Variants in MTUS2 observed in about 807,000 individuals in gnomAD.
The protein encoded by MTUS2 is microtubule-associated tumor suppressor candidate 2.
In MTUS2, 40 loss-of-function variants were observed where a neutral mutation model predicts 114.1. The observed-to-expected ratio is 0.35, with a 90% CI of 0.27 to 0.46. The LOEUF (loss-of-function observed/expected upper bound fraction) is 0.46, where lower values mean the gene tolerates loss of function less well. Among genes scored for constraint, MTUS2 ranks in the 20% least tolerant of loss-of-function variants. MTUS2 has a pLI of 1.00. For missense variants in MTUS2, 1,679 were observed against 1,705.4 expected (o/e 0.98, Z 0.27); for synonymous variants, 688 against 672.0 (o/e 1.02, Z -0.37).
At chr13:29,317,046 T>G (rs1900020123) in intron 6 of MTUS2, among the ~76,000 whole-genome samples, 1 of 152,226 alleles carries the variant, frequency 6.6e-6, no homozygotes, top group South Asian at 2.1e-4. Context: ...TTGTTCACTC[T>G]TCTGTCCTTA....
chr13:29,427,478 G>A (rs528219918), intron 8 of MTUS2, among the ~76,000 whole-genome samples: 6 of 152,280 alleles, frequency 3.9e-5, no homozygotes, highest in Admixed American at 3.9e-4. Flanking sequence ...GCATAGACGT[G>A]CAAATGTTGG....
At chr13:29,123,733 TAC>T (rs1017897601) in intron 5 of MTUS2, among the ~76,000 whole-genome samples, 2 of 151,800 alleles carry the variant, frequency 1.3e-5, no homozygotes, top group Admixed American at 6.6e-5. Flanking sequence ...CACACACGCA[TAC>T]ACACACACAC....
intron 8 of MTUS2, among the ~76,000 whole-genome samples, chr13:29,439,583 G>A (rs1877675218): frequency 6.6e-6 from 1 of 152,090 alleles, no homozygotes; most frequent in African/African-American, 2.4e-5. Flanking sequence ...CAAGCATTTG[G>A]CCCTCAGAGA....
chr13:29,274,978 C>T (rs2139516023), intron 5 of MTUS2, among the ~76,000 whole-genome samples: 1 of 152,248 alleles, frequency 6.6e-6, no homozygotes, highest in African/African-American at 2.4e-5. Flanking sequence ...AAGCAATTCT[C>T]CTGCCTTGGC....
intron 5 of MTUS2, among the ~76,000 whole-genome samples, chr13:29,187,793 C>T (rs1894285688): frequency 6.6e-6 from 1 of 152,156 alleles, no homozygotes; most frequent in African/African-American, 2.4e-5. Context: ...GAACACACAC[C>T]CAGTACAGAG....
intron 8 of MTUS2, among the ~76,000 whole-genome samples, chr13:29,410,942 G>C (rs989582686): frequency 2.0e-5 from 3 of 151,970 alleles, no homozygotes; most frequent in Non-Finnish European, 4.4e-5. Context: ...AGCAATTCTT[G>C]TGCCTCAGCC....
chr13:29,173,925 C>T (rs944995663), intron 5 of MTUS2, among the ~76,000 whole-genome samples: 4 of 152,056 alleles, frequency 2.6e-5, no homozygotes, highest in Non-Finnish European at 4.4e-5. Context: ...TAAAATCTCT[C>T]CTCCCTATAT....
At chr13:29,073,683 T>G (rs1392780046) in intron 4 of MTUS2, among the ~76,000 whole-genome samples, 1 of 152,212 alleles carries the variant, frequency 6.6e-6, no homozygotes, top group Non-Finnish European at 1.5e-5. Flanking sequence ...TTCTTCATTA[T>G]TCACCTTTCT....
chr13:29,302,008 A>C (rs1435011548), intron 6 of MTUS2, among the ~76,000 whole-genome samples: 3 of 152,164 alleles, frequency 2.0e-5, no homozygotes, highest in Non-Finnish European at 4.4e-5. Flanking sequence ...TCATGATTTA[A>C]TCACCTCCCA....
At chr13:29,265,241 G>A (rs1268099128) in intron 5 of MTUS2, among the ~76,000 whole-genome samples, 3 of 152,312 alleles carry the variant, frequency 2.0e-5, no homozygotes, top group African/African-American at 7.2e-5. Flanking sequence ...TTACAAAGTT[G>A]TAACATGGAT....
chr13:29,194,398 G>C (rs1894582883), intron 5 of MTUS2, among the ~76,000 whole-genome samples: 1 of 149,854 alleles, frequency 6.7e-6, no homozygotes, highest in African/African-American at 2.4e-5. Flanking sequence ...AAATTTACAA[G>C]AAAAAAACAA....
chr13:29,116,643 T>C (rs1202316375), intron 5 of MTUS2, among the ~76,000 whole-genome samples: 2 of 152,192 alleles, frequency 1.3e-5, no homozygotes, highest in Non-Finnish European at 2.9e-5. Flanking sequence ...GTCACTCTTC[T>C]TGCACTTTGG....
intron 5 of MTUS2, among the ~76,000 whole-genome samples, chr13:29,276,487 G>A (rs1432096084): frequency 2.0e-5 from 3 of 152,172 alleles, no homozygotes; most frequent in Non-Finnish European, 4.4e-5. Context: ...TGTGAGCAGT[G>A]GAATACCTTC....
intron 7 of MTUS2, among the ~76,000 whole-genome samples, chr13:29,330,010 G>T (rs1230012000): frequency 6.6e-6 from 1 of 152,186 alleles, no homozygotes; most frequent in Non-Finnish European, 1.5e-5. Flanking sequence ...CTAGATCCTT[G>T]AGGAATCACC....
At chr13:29,288,696 G>A (rs1898587811) in intron 6 of MTUS2, among the ~76,000 whole-genome samples, 1 of 152,216 alleles carries the variant, frequency 6.6e-6, no homozygotes, top group Non-Finnish European at 1.5e-5. Context: ...TTTGTCTAAG[G>A]CTGGAGGCTC....
chr13:29,468,585 T>TAC (rs59451142), intron 9 of MTUS2, among the ~76,000 whole-genome samples: 14,378 of 146,736 alleles, frequency 0.098, 1,575 homozygotes, highest in African/African-American at 0.28. Flanking sequence ...TGTCTCAAAA[T>TAC]ACACACACAC....
At position 29,208,001 on chromosome 13, in the gene MTUS2, G is replaced by A. The variant is rs562257344; in HGVS notation, c.2645-73703G>A. Among the ~76,000 whole-genome samples, 9 of 152,176 alleles carry A rather than the reference G, an allele frequency of 5.9e-5. No homozygotes were observed. In the East Asian group the frequency reaches 1.7e-3, roughly 29 times the overall value. Reference sequence around the variant, plus strand: ...TTTTGAAATAGTGTCAATAGGATTGGTACCAATTCTTCTTTGAATTTCTCA... The same window carrying A: ...TTTTGAAATAGTGTCAATAGGATTGATACCAATTCTTCTTTGAATTTCTCA... On this transcript the variant is annotated intron_variant, in intron 5 of 15. Transcript: ENST00000612955.
intron 1 of MTUS2, among the ~76,000 whole-genome samples, chr13:28,834,894 CA>C (rs1328971140): frequency 6.6e-6 from 1 of 151,920 alleles, no homozygotes; most frequent in African/African-American, 2.4e-5. Flanking sequence ...GACATTTTTC[CA>C]AAGAAGATAT....
In MTUS2 at chr13:29,060,543, C is replaced by CTTTT. The variant is rs1162860492; in HGVS notation, c.2446+26437_2446+26440dup. On this transcript the variant is annotated intron_variant, in intron 4 of 15. Transcript: ENST00000612955. ...CCCAATGTGGTTTCTCCTAGCCCTT[C>CTTTT]TTTTTTTTTTTTTTTTTTTTTTACT... is the stretch of plus-strand genomic sequence containing the variant. Among the ~76,000 whole-genome samples, 896 of 100,946 alleles carry CTTTT rather than the reference C, an allele frequency of 8.9e-3. 7 individuals carry two copies. The highest frequency in any genetic ancestry group is 0.03 in the African/African-American group (801 of 26,734). The allele number at this position is 100,946 out of a possible 152,430, so 66.2% of individuals were successfully genotyped here.
Sources: gnomAD v4.1 joint callset for allele counts (sites outside exome capture counted in the v4.1 genomes callset) on GRCh38, gnomAD v4.1.1 for gene constraint, MANE v1.5 for transcripts, NCBI Gene and HGNC (gene_info 2026-07-23, HGNC 2026-07-21) for gene names.